ANKRD30B: variants seen among roughly 807,000 people sequenced by gnomAD.
ANKRD30B encodes ankyrin repeat domain-containing protein 30B.
In ANKRD30B, 144 loss-of-function variants were observed where a neutral mutation model predicts 202.2. The observed-to-expected ratio is 0.71, with a 90% CI of 0.62 to 0.82. ANKRD30B has a LOEUF of 0.82. Ranked by LOEUF, ANKRD30B falls within the 40% of genes least tolerant of loss-of-function variation. The pLI, the probability that ANKRD30B is intolerant of heterozygous loss-of-function variation, is 0.00. For missense variants in ANKRD30B, 1,487 were observed against 1,669.1 expected (o/e 0.89, Z 1.90); for synonymous variants, 508 against 561.3 (o/e 0.91, Z 1.34).
intron 30 of ANKRD30B, among the ~76,000 whole-genome samples, chr18:14,820,602 C>A (rs1399546399): frequency 6.6e-6 from 1 of 152,174 alleles, no homozygotes; most frequent in African/African-American, 2.4e-5. Context: ...AAGGCTTTTT[C>A]TGCATCTATT....
chr18:14,886,795 C>T, the ANKRD30B span, among the ~76,000 whole-genome samples: 1 of 152,074 alleles, frequency 6.6e-6, no homozygotes, highest in African/African-American at 2.4e-5. Flanking sequence ...CCTCAATATG[C>T]TCACAAGACT....
intron 9 of ANKRD30B, among the ~76,000 whole-genome samples, chr18:14,777,461 C>A (rs1401960878): frequency 6.6e-6 from 1 of 151,528 alleles, no homozygotes; most frequent in Non-Finnish European, 1.5e-5. Flanking sequence ...CCACGCCAGG[C>A]TAATTTTTGT....
chr18:14,821,797 AT>A (rs1489340117), intron 30 of ANKRD30B, among the ~76,000 whole-genome samples: 1 of 152,194 alleles, frequency 6.6e-6, no homozygotes, highest in Non-Finnish European at 1.5e-5. Context: ...ACTTTTCTGT[AT>A]AAGTGGATCA....
the ANKRD30B span, among the ~76,000 whole-genome samples, chr18:14,936,467 T>C: frequency 6.6e-6 from 1 of 152,142 alleles, no homozygotes. Context: ...TCCACATTTA[T>C]GATGCTGGGG....
In ANKRD30B at chr18:14,808,574, C is replaced by T; in HGVS notation, c.2308C>T (p.Leu770=). 1 of 1,546,594 alleles carries T rather than the reference C, an allele frequency of 6.5e-7. No individual in the cohort carries two copies. Among genetic ancestry groups the T allele is most frequent in the Non-Finnish European group, 8.9e-7 (1 of 1,124,058 alleles). The stretch of plus-strand genomic sequence containing the variant: ...AGAGTCTCCTGATAAAGATGGTCTT[C>T]TGAAGGTAATTACTTTTATATTTCT... ...LEESPDKDGL[L]KPTCGRKVSL... The change falls in exon 25 of 44, where the codon CTG becomes TTG. Residue 770 remains leucine, a synonymous_variant. Transcript: ENST00000690538.
intron 5 of ANKRD30B, among the ~76,000 whole-genome samples, chr18:14,758,961 G>A (rs1914828662): frequency 6.6e-6 from 1 of 152,162 alleles, no homozygotes. Context: ...CAAAGTTGTA[G>A]TGGGTTCCAA....
chr18:14,922,827 C>T, the ANKRD30B span, among the ~76,000 whole-genome samples: 2 of 152,164 alleles, frequency 1.3e-5, no homozygotes, highest in East Asian at 1.9e-4. Flanking sequence ...TTGTAAAAGC[C>T]GAGGCAGATC....
At chr18:14,864,599 C>G in the ANKRD30B span, among the ~76,000 whole-genome samples, 147 of 151,976 alleles carry the variant, frequency 9.7e-4, no homozygotes, top group Non-Finnish European at 1.7e-3. Flanking sequence ...CCCATCTACC[C>G]CAAAACTTTT....
In ANKRD30B at chr18:14,837,504, C is replaced by T. The variant is rs1420520082; in HGVS notation, c.2927-111C>T. On this transcript the variant is annotated intron_variant, in intron 35 of 43. Transcript: ENST00000690538. Reference sequence around the variant, plus strand: ...CTTCAATTCTGAAATTCTATTTTTGCTATTATTTTTATTTTTGAAATACTC... The same window carrying T: ...CTTCAATTCTGAAATTCTATTTTTGTTATTATTTTTATTTTTGAAATACTC... 7 of 978,298 alleles carry T rather than the reference C, an allele frequency of 7.2e-6. No homozygotes were observed. In the African/African-American group the frequency reaches 1.0e-4, roughly 15 times the overall value. 60.6% of individuals were successfully genotyped at this position (978,298 alleles called of 1,614,324 possible). A position where few individuals can be genotyped will look rare whatever the true frequency, so the allele number is the denominator to read the frequency against.
At chr18:14,806,127 G>A (rs1969495643) in intron 24 of ANKRD30B, among the ~76,000 whole-genome samples, 3 of 149,600 alleles carry the variant, frequency 2.0e-5, no homozygotes, top group Admixed American at 2.0e-4. Context: ...GGTTGAGGCA[G>A]GAGAATGGCC....
chr18:14,768,024 G>C (rs1916523569), intron 7 of ANKRD30B, among the ~76,000 whole-genome samples: 1 of 152,178 alleles, frequency 6.6e-6, no homozygotes, highest in Non-Finnish European at 1.5e-5. Context: ...AGTGATGGCT[G>C]GCAGTCCCTA....
intron 16 of ANKRD30B, among the ~76,000 whole-genome samples, chr18:14,791,699 T>G (rs1968524852): frequency 6.6e-6 from 1 of 152,136 alleles, no homozygotes; most frequent in African/African-American, 2.4e-5. Context: ...AATTATTAGT[T>G]TGAATTCAAG....
chr18:14,819,509 G>A (rs970840127), intron 30 of ANKRD30B, among the ~76,000 whole-genome samples: 1,682 of 152,142 alleles, frequency 0.011, 28 homozygotes, highest in African/African-American at 0.038. Context: ...TAACGTTTAA[G>A]TCTTTAATCC....
chr18:14,843,762 C>G (rs1213887062), intron 39 of ANKRD30B, among the ~76,000 whole-genome samples: 1 of 151,968 alleles, frequency 6.6e-6, no homozygotes, highest in Admixed American at 6.6e-5. Context: ...CCACTGCACT[C>G]CAGCCTAGGG....
At chr18:14,826,441 G>A (rs1192982802) in intron 32 of ANKRD30B, among the ~76,000 whole-genome samples, 1 of 152,116 alleles carries the variant, frequency 6.6e-6, no homozygotes, top group African/African-American at 2.4e-5. Flanking sequence ...TGTTGATGTA[G>A]TTAATATTTC....
At chr18:14,770,414 T>C (rs1382296047) in intron 8 of ANKRD30B, among the ~76,000 whole-genome samples, 1 of 152,184 alleles carries the variant, frequency 6.6e-6, no homozygotes, top group Non-Finnish European at 1.5e-5. Flanking sequence ...TTTAAACTGA[T>C]TTCAAAGCCC....
intron 30 of ANKRD30B, among the ~76,000 whole-genome samples, chr18:14,820,269 C>T (rs1297375925): frequency 1.3e-5 from 2 of 152,150 alleles, no homozygotes; most frequent in Admixed American, 6.5e-5. Context: ...TGGGTTGAGA[C>T]AATGGGGTTT....
At chr18:14,839,749 T>G (rs1945829813) in intron 36 of ANKRD30B, among the ~76,000 whole-genome samples, 1 of 152,208 alleles carries the variant, frequency 6.6e-6, no homozygotes, top group African/African-American at 2.4e-5. Context: ...GCAAAAAAGA[T>G]GTAAAATTAT....
chr18:14,788,803 A>C (rs1281045757), intron 15 of ANKRD30B, among the ~76,000 whole-genome samples: 1 of 152,030 alleles, frequency 6.6e-6, no homozygotes, highest in Non-Finnish European at 1.5e-5. Flanking sequence ...ATTGTTGGAC[A>C]TTTGGGTTGG....
Sources: gnomAD v4.1 joint callset for allele counts (sites outside exome capture counted in the v4.1 genomes callset) on GRCh38, gnomAD v4.1.1 for gene constraint, MANE v1.5 for transcripts, NCBI Gene and HGNC (gene_info 2026-07-23, HGNC 2026-07-21) for gene names.